Variants in NAV1 observed in about 807,000 individuals in gnomAD.
NAV1 encodes the protein neuron navigator 1.
A neutral mutation model predicts 175.2 loss-of-function variants in NAV1; 18 were observed. That is an observed-to-expected ratio of 0.10 (90% CI 0.07 to 0.15). NAV1 has a LOEUF of 0.15. Among genes scored for constraint, NAV1 ranks in the 10% least tolerant of loss-of-function variants. NAV1 has a pLI of 1.00. For synonymous variants in NAV1, 897 were observed against 978.7 expected (o/e 0.92, Z 1.56); for missense variants, 1,731 against 2,436.6 (o/e 0.71, Z 6.10).
chr1:201,641,399 G>A (rs990878152), intron 2 of NAV1, among the ~76,000 whole-genome samples: 1 of 152,168 alleles, frequency 6.6e-6, no homozygotes, highest in Non-Finnish European at 1.5e-5. Context: ...CAAGAGGGAA[G>A]CCAGGTCATG....
chr1:201,786,299 C>T, intron 8 of NAV1, 130 bp from the exon 13 acceptor site: 1 of 940,180 alleles, frequency 1.1e-6, no homozygotes, highest in Non-Finnish European at 1.6e-6. Context: ...CAGCCCTGAC[C>T]ACTCCCTCTT....
At chr1:201,622,841 C>G (rs1558023195), upstream of NAV1, 2 of 985,746 alleles carry the variant, frequency 2.0e-6, no homozygotes, top group African/African-American at 1.7e-5. Context: ...TTTTTGCCCT[C>G]TCTCCCTGCA....
At position 201,539,900 on chromosome 1, in the gene NAV1, A is replaced by T. The variant is rs866696840; in HGVS notation, c.-144+558A>T. 4.6e-5 allele frequency among the ~76,000 whole-genome samples: 7 copies of T among 152,038 alleles called. No homozygotes were observed. Among genetic ancestry groups the T allele is most frequent in the African/African-American group, 1.4e-4 (6 of 41,418 alleles). On this transcript the variant is annotated intron_variant, in intron 1 of 33. Coordinates refer to the NAV1 transcript ENST00000685211. The surrounding 1 kb of genome is among the most constrained non-coding windows in gnomAD (Gnocchi z 5.6). ...ATGCGCCGGGAAGCGCCCTCCCGCC[A>T]ATCTCCCGGAGGCCGTCCTCTCTGG...
At chr1:201,717,325 G>A (rs912134434) in intron 2 of NAV1, among the ~76,000 whole-genome samples, 1 of 152,134 alleles carries the variant, frequency 6.6e-6, no homozygotes, top group Non-Finnish European at 1.5e-5. Flanking sequence ...ACCAAACCCC[G>A]TTTCGCTTAC....
intron 3 of NAV1, among the ~76,000 whole-genome samples, chr1:201,732,040 C>T (rs1489617861): frequency 6.6e-6 from 1 of 152,246 alleles, no homozygotes; most frequent in East Asian, 1.9e-4. Context: ...CTGAGAGATC[C>T]CACCCTTCCC....
chr1:201,663,141 G>C lies in NAV1; in HGVS notation c.757+13716G>C, dbSNP rs575709915. 2.6e-5 allele frequency among the ~76,000 whole-genome samples: 4 copies of C among 152,288 alleles called. No homozygotes were observed. The East Asian group carries it at 7.7e-4, about 29-fold the overall frequency. ...AAGACATCAGCCAATTCCCCCTGGGGCGAAGGGGAACGGTCTCTGATTGAC... is the reference window on the plus strand; with the variant it reads ...AAGACATCAGCCAATTCCCCCTGGGCCGAAGGGGAACGGTCTCTGATTGAC... On this transcript the variant is annotated intron_variant, in intron 1 of 29. Coordinates refer to ENST00000367296, the Ensembl canonical transcript of NAV1.
chr1:201,612,102 G>A lies in NAV1; in HGVS notation c.-32-10751G>A, dbSNP rs369325020. On this transcript the variant is annotated intron_variant, in intron 2 of 33. Transcript: ENST00000685211. ...TGTCAGAATGTGTGTGTGTGTGAGT[G>A]TGTGTGTCTTAGTCCATTCAGGTTG... 3.1e-3 allele frequency among the ~76,000 whole-genome samples: 469 copies of A among 152,226 alleles called. 1 individual carries two copies. The highest frequency in any genetic ancestry group is 4.1e-3 in the Non-Finnish European group (278 of 68,034).
At chr1:201,702,263 G>C (rs181784306) in intron 1 of NAV1, among the ~76,000 whole-genome samples, 2 of 152,176 alleles carry the variant, frequency 1.3e-5, no homozygotes, top group Non-Finnish European at 2.9e-5. Flanking sequence ...TGGCCACAGG[G>C]CTTCTTATTG....
chr1:201,624,653 C>CT (rs201180047), intron 1 of NAV1, among the ~76,000 whole-genome samples: 4 of 151,970 alleles, frequency 2.6e-5, no homozygotes, highest in East Asian at 3.9e-4. Context: ...GCAAACTATG[C>CT]TTTTTTTAAA....
intron 1 of NAV1, among the ~76,000 whole-genome samples, chr1:201,697,189 A>C (rs1243349057): frequency 6.6e-6 from 1 of 152,056 alleles, no homozygotes; most frequent in East Asian, 1.9e-4. Context: ...GAGCAGTGGA[A>C]CCATCCTGGA....
In NAV1 at chr1:201,808,287, G is replaced by T; in HGVS notation, c.3846-131G>T. On this transcript the variant is annotated intron_variant, in intron 18 of 29. Transcript: ENST00000367296. The surrounding 1 kb of genome is among the most constrained non-coding windows in gnomAD (Gnocchi z 5.5). The stretch of plus-strand genomic sequence containing the variant: ...CCTGGGCATATGAGACCAACAGATG[G>T]ACCTTTCTTCTCATGCTGATTGAAT... 7.2e-7 allele frequency: 1 copy of T among 1,383,468 alleles called. No individual in the cohort carries two copies. Among genetic ancestry groups the T allele is most frequent in the South Asian group, 1.4e-5 (1 of 72,282 alleles). 85.7% of individuals were successfully genotyped at this position (1,383,468 alleles called of 1,614,324 possible).
At chr1:201,723,845 C>T (rs1672493538) in intron 3 of NAV1, 1 of 152,194 alleles carries the variant, frequency 6.6e-6, no homozygotes, top group African/African-American at 2.4e-5. Flanking sequence ...TAACTTCTAC[C>T]TATTGATTCA....
intron 15 of NAV1, among the ~76,000 whole-genome samples, chr1:201,803,383 AT>A (rs1487491958): frequency 6.6e-6 from 1 of 152,178 alleles, no homozygotes; most frequent in Non-Finnish European, 1.5e-5. Context: ...ATCATTTCTT[AT>A]TTAATTCTTA....
intron 1 of NAV1, among the ~76,000 whole-genome samples, chr1:201,697,673 A>AG: frequency 6.6e-6 from 1 of 152,310 alleles, no homozygotes; most frequent in Non-Finnish European, 1.5e-5. Context: ...GGCTTGCAGC[A>AG]GGGCTGTCTA....
chr1:201,761,762 A>G (rs1674859654), intron 3 of NAV1, among the ~76,000 whole-genome samples: 1 of 152,176 alleles, frequency 6.6e-6, no homozygotes, highest in African/African-American at 2.4e-5. Context: ...TACTTCCAGA[A>G]TGGAGGATTG....
At chr1:201,650,299 C>A (rs185850409) in intron 1 of NAV1, among the ~76,000 whole-genome samples, 1 of 152,270 alleles carries the variant, frequency 6.6e-6, no homozygotes, top group South Asian at 2.1e-4. Context: ...CTTTCTCTCC[C>A]CGGAGAGCCC....
chr1:201,686,811 C>T (rs1165380055), intron 1 of NAV1, among the ~76,000 whole-genome samples: 1 of 152,204 alleles, frequency 6.6e-6, no homozygotes, highest in Non-Finnish European at 1.5e-5. Flanking sequence ...GCCTACCTCT[C>T]CTACCAGCCT....
intron 29 of NAV1, among the ~76,000 whole-genome samples, chr1:201,817,825 T>TA (rs754670011): frequency 6.6e-6 from 1 of 152,162 alleles, no homozygotes; most frequent in African/African-American, 2.4e-5. Context: ...GGAACTCCTG[T>TA]AGAAAGCAGG....
intron 1 of NAV1, among the ~76,000 whole-genome samples, chr1:201,570,128 C>A (rs1339374910): frequency 2.0e-5 from 3 of 152,142 alleles, no homozygotes; most frequent in Non-Finnish European, 4.4e-5. Flanking sequence ...TTAGGCTGAC[C>A]TGAAAAACAC....
Sources: gnomAD v4.1 joint callset for allele counts (sites outside exome capture counted in the v4.1 genomes callset) on GRCh38, gnomAD v4.1.1 for gene constraint, Gnocchi (gnomAD v3.1) non-coding constraint, MANE v1.5 for transcripts, NCBI Gene and HGNC (gene_info 2026-07-23, HGNC 2026-07-21) for gene names.